C1orf87: variants seen among roughly 807,000 people sequenced by gnomAD.
C1orf87 encodes the protein uncharacterized protein C1orf87.
Under a neutral mutation model 60.5 loss-of-function variants are expected in C1orf87, and 58 were observed. The ratio of observed to expected loss-of-function variants is 0.96; its 90% CI spans 0.78 to 1.19. The LOEUF is 1.19. Ranked by LOEUF, C1orf87 falls within the 50% of genes most tolerant of loss-of-function variation. The probability of loss-of-function intolerance (pLI) is 0.00; values close to 1 mark genes in which losing one functional copy is unlikely to be tolerated. For synonymous variants in C1orf87, 236 were observed against 227.4 expected (o/e 1.04, Z -0.34); for missense variants, 673 against 638.6 (o/e 1.05, Z -0.58).
At chr1:60,052,721 A>T (rs962736798) in intron 3 of C1orf87, among the ~76,000 whole-genome samples, 1 of 152,224 alleles carries the variant, frequency 6.6e-6, no homozygotes, top group African/African-American at 2.4e-5. Context: ...CGTCCCAGGC[A>T]GGAAAGCTTA....
At chr1:60,004,655 G>A (rs1645029934) in intron 9 of C1orf87, among the ~76,000 whole-genome samples, 1 of 151,908 alleles carries the variant, frequency 6.6e-6, no homozygotes, top group Non-Finnish European at 1.5e-5. Context: ...TGTAAAAATT[G>A]TTTGAAAAAC....
chr1:60,066,968 G>T (rs1393297215), intron 2 of C1orf87, among the ~76,000 whole-genome samples: 1 of 152,050 alleles, frequency 6.6e-6, no homozygotes, highest in Non-Finnish European at 1.5e-5. Flanking sequence ...TGAGAATGAT[G>T]GTTTCCAGCT....
chr1:60,048,432 T>C (rs1645389053), intron 3 of C1orf87, among the ~76,000 whole-genome samples: 2 of 152,192 alleles, frequency 1.3e-5, no homozygotes, highest in South Asian at 4.1e-4. Context: ...CCTAGATTCC[T>C]TTCCCTGAGA....
chr1:60,020,805 G>T (rs932957509), intron 8 of C1orf87, among the ~76,000 whole-genome samples: 1 of 152,216 alleles, frequency 6.6e-6, no homozygotes, highest in Non-Finnish European at 1.5e-5. Context: ...GGGAAGGCAT[G>T]ATTGGTTTAG....
intron 3 of C1orf87, among the ~76,000 whole-genome samples, chr1:60,044,624 A>G (rs1401168105): frequency 6.6e-6 from 1 of 152,144 alleles, no homozygotes; most frequent in African/African-American, 2.4e-5. Context: ...GCCTGGGTTC[A>G]GGCCAGCTGC....
intron 9 of C1orf87, among the ~76,000 whole-genome samples, chr1:60,003,396 C>T (rs1249033888): frequency 6.6e-6 from 1 of 151,846 alleles, no homozygotes; most frequent in South Asian, 2.1e-4. Flanking sequence ...GGGTGCAGCG[C>T]ACCAGCATGG....
At chr1:60,027,591 C>T (rs933112150) in intron 7 of C1orf87, among the ~76,000 whole-genome samples, 1 of 152,152 alleles carries the variant, frequency 6.6e-6, no homozygotes, top group African/African-American at 2.4e-5. Context: ...AATTATAAAA[C>T]CAACATTTTA....
At chr1:60,015,512 A>G (rs1002305356) in intron 8 of C1orf87, among the ~76,000 whole-genome samples, 1 of 152,170 alleles carries the variant, frequency 6.6e-6, no homozygotes, top group Admixed American at 6.5e-5. Context: ...ATTTTCTCAC[A>G]GTTCTGGAGG....
intron 10 of C1orf87, among the ~76,000 whole-genome samples, chr1:60,000,141 G>A (rs1335549317): frequency 1.3e-5 from 2 of 152,076 alleles, no homozygotes; most frequent in African/African-American, 4.8e-5. Context: ...TTTAATGAAT[G>A]AATAAGTGAA....
intron 3 of C1orf87, among the ~76,000 whole-genome samples, chr1:60,045,164 A>T (rs188614001): frequency 2.0e-5 from 3 of 152,328 alleles, no homozygotes; most frequent in South Asian, 2.1e-4. Context: ...CATTAAATGC[A>T]GATGTGAAAA....
At chr1:59,993,288 G>T (rs1644938156) in intron 11 of C1orf87, among the ~76,000 whole-genome samples, 1 of 151,462 alleles carries the variant, frequency 6.6e-6, no homozygotes, top group Non-Finnish European at 1.5e-5. Context: ...AAGAAAGAGG[G>T]AAAGAAGGAA....
rs1327300587 is a variant in C1orf87 at position 60,048,930 on chromosome 1, A to G, written c.342+6274T>C. Among the ~76,000 whole-genome samples, 3 of 152,000 alleles carry G rather than the reference A, an allele frequency of 2.0e-5. No homozygotes were observed. The East Asian group carries it at 5.8e-4, about 29-fold the overall frequency. ...CACAAATTCTACATTTCTTTTTACA[A>G]TTTCATAGTACTCCATGTATGGATG... On this transcript the variant is annotated intron_variant, in intron 3 of 11. Coordinates refer to ENST00000371201, the MANE Select transcript of C1orf87 (RefSeq NM_152377.3).
intron 2 of C1orf87, among the ~76,000 whole-genome samples, chr1:60,058,597 A>G (rs1284757833): frequency 6.6e-6 from 1 of 152,228 alleles, no homozygotes; most frequent in African/African-American, 2.4e-5. Context: ...TAGATTATAT[A>G]TTTCTTAAAT....
At chr1:60,034,708 C>G (rs1645263091) in intron 6 of C1orf87, among the ~76,000 whole-genome samples, 1 of 152,148 alleles carries the variant, frequency 6.6e-6, no homozygotes, top group Non-Finnish European at 1.5e-5. Flanking sequence ...GATTTATATA[C>G]TTATTCATAG....
chr1:60,011,396 C>G (rs1408182230), intron 8 of C1orf87, among the ~76,000 whole-genome samples: 2 of 151,846 alleles, frequency 1.3e-5, no homozygotes, highest in African/African-American at 4.8e-5. Flanking sequence ...GTGACCCACC[C>G]CCTCTAGTTA....
intron 9 of C1orf87, 117 bp from the exon 10 acceptor site, chr1:60,001,273 T>C: frequency 2.7e-6 from 2 of 746,518 alleles, no homozygotes; most frequent in South Asian, 4.6e-5. Flanking sequence ...CTTTGCTCTG[T>C]GGTTGGCACT....
In C1orf87 at chr1:60,029,629, C is replaced by T. The variant is rs558485170; in HGVS notation, c.1029+3847G>A. Among the ~76,000 whole-genome samples the T allele has an allele frequency of 3.2e-4, 43 of 136,304 alleles. 2 individuals carry two copies. The South Asian group carries it at 0.01, about 33-fold the overall frequency. 89.4% of individuals were successfully genotyped at this position (136,304 alleles called of 152,430 possible). ...ACACTTTTCCCATCTCTTCCCCTGT[C>T]CCCCCAAGTTTTTTTTTTTTTTTTT... is the stretch of plus-strand genomic sequence containing the variant. On this transcript the variant is annotated intron_variant, in intron 7 of 11. Transcript: ENST00000371201.
At chr1:59,995,270 C>A (rs1452603932) in intron 11 of C1orf87, among the ~76,000 whole-genome samples, 1 of 152,090 alleles carries the variant, frequency 6.6e-6, no homozygotes, top group East Asian at 1.9e-4. Flanking sequence ...TTGCTTGTAA[C>A]CTCATCACCA....
At chr1:59,994,187 G>A (rs1444431354) in intron 11 of C1orf87, among the ~76,000 whole-genome samples, 1 of 151,962 alleles carries the variant, frequency 6.6e-6, no homozygotes, top group Non-Finnish European at 1.5e-5. Flanking sequence ...TGTAGATGAG[G>A]AAACAGGTGA....
Sources: gnomAD v4.1 joint callset for allele counts (sites outside exome capture counted in the v4.1 genomes callset) on GRCh38, gnomAD v4.1.1 for gene constraint, MANE v1.5 for transcripts, NCBI Gene and HGNC (gene_info 2026-07-23, HGNC 2026-07-21) for gene names.